The following NBAS variants were observed in gnomAD, a reference collection of about 807,000 sequenced individuals.
NBAS encodes NBAS subunit of NRZ tethering complex.
Under a neutral mutation model 302.5 loss-of-function variants are expected in NBAS, and 219 were observed. That is an observed-to-expected ratio of 0.72 (90% CI 0.65 to 0.81). The LOEUF is 0.81. Among genes scored for constraint, NBAS ranks in the 30% least tolerant of loss-of-function variants. The probability of loss-of-function intolerance (pLI) is 0.00; values close to 1 mark genes in which losing one functional copy is unlikely to be tolerated. For synonymous variants in NBAS, 1,118 were observed against 1,021.6 expected, an observed-to-expected ratio of 1.09 and a Z score of -1.80; for missense variants, 2,932 against 2,841.6, an observed-to-expected ratio of 1.03 and a Z score of -0.72.
At chr2:14,950,399 T>C in the NBAS span, among the ~76,000 whole-genome samples, 3 of 152,218 alleles carry the variant, frequency 2.0e-5, no homozygotes, top group African/African-American at 4.8e-5. Context: ...TCAAAATAGC[T>C]AGTAGATTAT....
At chr2:15,354,266 A>T (rs1241891166) in intron 33 of NBAS, among the ~76,000 whole-genome samples, 10 of 152,186 alleles carry the variant, frequency 6.6e-5, no homozygotes, top group Non-Finnish European at 2.9e-5. Flanking sequence ...GATAAGACAG[A>T]CATCTAAGGA....
chr2:15,291,771 G>T (rs566005751), intron 41 of NBAS, among the ~76,000 whole-genome samples: 133 of 152,248 alleles, frequency 8.7e-4, no homozygotes, highest in Non-Finnish European at 1.4e-3. Context: ...AAATTAAAGT[G>T]CCATGTGCTT....
At chr2:14,991,574 C>T in the NBAS span, among the ~76,000 whole-genome samples, 1 of 152,226 alleles carries the variant, frequency 6.6e-6, no homozygotes, top group Non-Finnish European at 1.5e-5. Context: ...GCTGTTACAA[C>T]TTTCTGCTGC....
intron 40 of NBAS, 40 bp from the exon 41 acceptor site, chr2:15,292,806 AT>A: frequency 8.2e-6 from 13 of 1,583,238 alleles, no homozygotes; most frequent in Non-Finnish European, 1.1e-5. Flanking sequence ...TACCAACATC[AT>A]ACAAACACGA....
At chr2:15,528,115 T>C (rs1357226572) in intron 9 of NBAS, among the ~76,000 whole-genome samples, 1 of 151,744 alleles carries the variant, frequency 6.6e-6, no homozygotes, top group Non-Finnish European at 1.5e-5. Flanking sequence ...ACTTACAATT[T>C]CCCAAAACTA....
At chr2:15,339,386 T>C (rs1316083110) in intron 35 of NBAS, among the ~76,000 whole-genome samples, 1 of 152,118 alleles carries the variant, frequency 6.6e-6, no homozygotes, top group Non-Finnish European at 1.5e-5. Context: ...ATTTCACCAA[T>C]GAACTGAGAA....
intron 48 of NBAS, among the ~76,000 whole-genome samples, chr2:15,204,029 G>A (rs912938323): frequency 1.3e-5 from 2 of 151,816 alleles, no homozygotes; most frequent in Non-Finnish European, 2.9e-5. Context: ...TGGGAGGTTG[G>A]GGCAGCAGGA....
At chr2:15,309,592 T>A (rs1313186986) in intron 38 of NBAS, among the ~76,000 whole-genome samples, 3 of 152,192 alleles carry the variant, frequency 2.0e-5, no homozygotes, top group Non-Finnish European at 4.4e-5. Flanking sequence ...TGTATCAATG[T>A]TAGCTAATAT....
At chr2:15,223,876 T>C (rs1326563586) in intron 47 of NBAS, among the ~76,000 whole-genome samples, 1 of 151,748 alleles carries the variant, frequency 6.6e-6, no homozygotes, top group East Asian at 1.9e-4. Context: ...AGAAAATCTC[T>C]CATAGTTTCA....
chr2:15,018,621 G>A, the NBAS span, among the ~76,000 whole-genome samples: 1 of 151,232 alleles, frequency 6.6e-6, no homozygotes, highest in East Asian at 2.0e-4. Flanking sequence ...AAGTTGTTTT[G>A]CATAGATTAT....
intron 1 of NBAS, among the ~76,000 whole-genome samples, chr2:15,560,495 T>C (rs888342004): frequency 1.3e-5 from 2 of 151,982 alleles, no homozygotes; most frequent in African/African-American, 4.8e-5. Flanking sequence ...ATGAAAAACG[T>C]TTACGGGACT....
At chr2:15,063,701 G>A in the NBAS span, among the ~76,000 whole-genome samples, 2 of 152,144 alleles carry the variant, frequency 1.3e-5, no homozygotes, top group Non-Finnish European at 2.9e-5. Flanking sequence ...AAGAGGCATC[G>A]AGAATGTGCA....
At chr2:14,851,208 G>A in the NBAS span, among the ~76,000 whole-genome samples, 2 of 135,720 alleles carry the variant, frequency 1.5e-5, no homozygotes, top group Non-Finnish European at 3.0e-5. Context: ...AAAAAAGAGG[G>A]AAGAATCAAA....
chr2:15,247,589 A>T (rs1267081349), intron 44 of NBAS, among the ~76,000 whole-genome samples: 1 of 152,204 alleles, frequency 6.6e-6, no homozygotes, highest in East Asian at 1.9e-4. Flanking sequence ...AACAGAATTT[A>T]AACCAACAAA....
the NBAS span, among the ~76,000 whole-genome samples, chr2:14,849,953 C>T: frequency 7.2e-6 from 1 of 138,092 alleles, no homozygotes; most frequent in Non-Finnish European, 1.5e-5. Context: ...AAAGGAACAA[C>T]TGGTACGAGC....
At chr2:15,332,925 T>C (rs1672418345) in intron 35 of NBAS, among the ~76,000 whole-genome samples, 1 of 152,226 alleles carries the variant, frequency 6.6e-6, no homozygotes, top group Non-Finnish European at 1.5e-5. Flanking sequence ...TGAACTCATT[T>C]TCTCTCTCAG....
chr2:15,501,502 C>A (rs1344002608), intron 11 of NBAS, among the ~76,000 whole-genome samples: 1 of 150,774 alleles, frequency 6.6e-6, no homozygotes, highest in African/African-American at 2.4e-5. Context: ...ACTGTCTTGG[C>A]TATTTTATGT....
intron 4 of NBAS, 23 bp downstream of exon 4, chr2:15,554,038 C>T: frequency 2.7e-6 from 4 of 1,483,146 alleles, no homozygotes; most frequent in Admixed American, 1.9e-5. Context: ...GACAGAAAAA[C>T]ATTGAATTTC....
In NBAS at chr2:15,328,451, T is replaced by C. The variant is rs1453042160; in HGVS notation, c.4348-139A>G. 5.5e-6 allele frequency: 4 copies of C among 727,154 alleles called. No homozygotes were observed. In the East Asian group the frequency reaches 1.0e-4, roughly 19 times the overall value. The allele number at this position is 727,154 out of a possible 1,614,324, so 45.0% of individuals were successfully genotyped here. ...AAAGAAACTGGTAATGCCTGCTGCA[T>C]TTCCCACGACCTAAAAAGAGAGCCA... On this transcript the variant is annotated intron_variant, in intron 36 of 51. Coordinates refer to ENST00000281513, the MANE Select transcript of NBAS (RefSeq NM_015909.4).
Sources: gnomAD v4.1 joint callset for allele counts (sites outside exome capture counted in the v4.1 genomes callset) on GRCh38, gnomAD v4.1.1 for gene constraint, MANE v1.5 for transcripts, NCBI Gene and HGNC (gene_info 2026-07-23, HGNC 2026-07-21) for gene names.